ZMAT4: variants seen among roughly 807,000 people sequenced by gnomAD.
ZMAT4 encodes zinc finger matrin-type protein 4.
ZMAT4 carries 17 observed loss-of-function variants against 28.7 expected under a neutral mutation model. The ratio of observed to expected loss-of-function variants is 0.59; its 90% CI spans 0.41 to 0.89. ZMAT4 has a LOEUF of 0.89. ZMAT4 is among the 40% of genes least tolerant of loss of function. ZMAT4 has a pLI of 0.00. For missense variants in ZMAT4, 240 were observed against 283.8 expected (o/e 0.85, Z 1.11); for synonymous variants, 117 against 109.2 (o/e 1.07, Z -0.44).
chr8:40,808,680 G>A, intron 2 of ZMAT4: 4 of 328,676 alleles, frequency 1.2e-5, no homozygotes, highest in South Asian at 4.9e-5. Flanking sequence ...TAACAAGAAA[G>A]AGAGGGAAAG....
At chr8:40,832,100 G>A (rs1033865673) in intron 1 of ZMAT4, among the ~76,000 whole-genome samples, 6 of 152,070 alleles carry the variant, frequency 3.9e-5, no homozygotes, top group Non-Finnish European at 7.4e-5. Context: ...CCCCTACTCT[G>A]GGCCTCTGTC....
intron 5 of ZMAT4, among the ~76,000 whole-genome samples, chr8:40,673,965 G>A (rs1808796633): frequency 1.3e-5 from 2 of 152,048 alleles, no homozygotes; most frequent in South Asian, 4.1e-4. Flanking sequence ...TTTATTGAAG[G>A]GGCTTGGGCT....
At chr8:40,756,825 G>T (rs1219149897) in intron 3 of ZMAT4, among the ~76,000 whole-genome samples, 2 of 151,796 alleles carry the variant, frequency 1.3e-5, no homozygotes, top group Non-Finnish European at 2.9e-5. Flanking sequence ...CTCATTTTAC[G>T]TACGTTTCTG....
intron 1 of ZMAT4, among the ~76,000 whole-genome samples, chr8:40,835,406 C>T (rs1443787179): frequency 2.0e-5 from 3 of 152,202 alleles, no homozygotes; most frequent in Non-Finnish European, 4.4e-5. Flanking sequence ...CCTCCCCTCA[C>T]TCAACGGAGA....
At chr8:40,869,741 A>G (rs1817788735) in intron 1 of ZMAT4, among the ~76,000 whole-genome samples, 1 of 152,204 alleles carries the variant, frequency 6.6e-6, no homozygotes, top group African/African-American at 2.4e-5. Flanking sequence ...CTCAAAAAGC[A>G]GCTATTCCTG....
chr8:40,547,437 C>T (rs148896555), intron 6 of ZMAT4, among the ~76,000 whole-genome samples: 5 of 152,326 alleles, frequency 3.3e-5, no homozygotes, highest in Non-Finnish European at 7.3e-5. Context: ...AAGGAAGCCA[C>T]AGCATGAAGG....
At chr8:40,795,828 C>T (rs909137338) in intron 2 of ZMAT4, among the ~76,000 whole-genome samples, 1 of 152,234 alleles carries the variant, frequency 6.6e-6, no homozygotes, top group South Asian at 2.1e-4. Context: ...ACTACCACCA[C>T]AAGCATCATA....
In ZMAT4 at chr8:40,876,295, G is replaced by A. The variant is rs369692583; in HGVS notation, c.-5+21388C>T. Among the ~76,000 whole-genome samples the A allele has an allele frequency of 2.5e-4, 38 of 152,174 alleles. 1 individual carries two copies. The highest frequency in any genetic ancestry group is 8.4e-4 in the African/African-American group (35 of 41,506). ...ACTTAATGAATAGTAAATATAAATAGTATATACATTTTCTTTTTCTTATGA... is the reference window on the plus strand; with the variant it reads ...ACTTAATGAATAGTAAATATAAATAATATATACATTTTCTTTTTCTTATGA... On this transcript the variant is annotated intron_variant, in intron 1 of 6. Transcript: ENST00000297737.
At chr8:40,789,449 T>C (rs1814233295) in intron 2 of ZMAT4, among the ~76,000 whole-genome samples, 1 of 152,100 alleles carries the variant, frequency 6.6e-6, no homozygotes, top group Admixed American at 6.6e-5. Flanking sequence ...AGACTGAATA[T>C]GCAAATGGAC....
intron 2 of ZMAT4, among the ~76,000 whole-genome samples, chr8:40,783,342 A>G (rs1390621352): frequency 6.6e-6 from 1 of 152,232 alleles, no homozygotes; most frequent in Non-Finnish European, 1.5e-5. Context: ...AAAAATATCC[A>G]GAATAAGCAA....
At chr8:40,549,358 C>G (rs1255977381) in intron 6 of ZMAT4, among the ~76,000 whole-genome samples, 2 of 152,158 alleles carry the variant, frequency 1.3e-5, no homozygotes, top group Non-Finnish European at 2.9e-5. Context: ...GTGCTAAAAA[C>G]AGCTCCTGAG....
intron 3 of ZMAT4, among the ~76,000 whole-genome samples, chr8:40,763,069 T>G (rs1813003780): frequency 6.6e-6 from 1 of 152,312 alleles, no homozygotes; most frequent in Non-Finnish European, 1.5e-5. Flanking sequence ...CCAGGAAAAC[T>G]TATCTAGCCC....
Position 40,697,237 on chromosome 8 carries a change from G to A in ZMAT4, c.349+8C>T. 1 of 1,599,918 alleles carries A rather than the reference G, an allele frequency of 6.3e-7. No individual in the cohort carries two copies. ...GGGTCTCCCCACGATCACTGTTCCT[G>A]CACGTACCTGTGGTCTTTAATGGGG... On this transcript the variant is annotated splice_region_variant and intron_variant, in intron 4 of 6. Coordinates refer to ENST00000297737, the MANE Select transcript of ZMAT4 (RefSeq NM_024645.3).
intron 2 of ZMAT4, among the ~76,000 whole-genome samples, chr8:40,786,336 G>A (rs1407480673): frequency 2.6e-5 from 4 of 151,946 alleles, no homozygotes; most frequent in African/African-American, 7.3e-5. Flanking sequence ...TTTTTTACTA[G>A]ATTAAACCAA....
chr8:40,672,529 C>T (rs1014424053), intron 5 of ZMAT4, among the ~76,000 whole-genome samples: 5 of 152,104 alleles, frequency 3.3e-5, no homozygotes, highest in Admixed American at 6.6e-5. Context: ...GTCAAAGCAG[C>T]CTTTTTGTCT....
At chr8:40,548,170 C>T (rs576403647) in intron 6 of ZMAT4, among the ~76,000 whole-genome samples, 3 of 152,124 alleles carry the variant, frequency 2.0e-5, no homozygotes, top group Non-Finnish European at 4.4e-5. Flanking sequence ...GTAGGAAGGA[C>T]CCTTCAGGCC....
At chr8:40,707,920 T>C (rs779431646) in intron 3 of ZMAT4, among the ~76,000 whole-genome samples, 2 of 152,162 alleles carry the variant, frequency 1.3e-5, no homozygotes, top group Admixed American at 6.5e-5. Context: ...TGATGAAAAC[T>C]ACGTACATAC....
intron 2 of ZMAT4, among the ~76,000 whole-genome samples, chr8:40,789,046 A>AGAAGGGAAGG (rs1359299212): frequency 8.6e-6 from 1 of 116,012 alleles, no homozygotes; most frequent in Non-Finnish European, 1.7e-5. Flanking sequence ...GGAAGGAAGG[A>AGAAGGGAAGG]GAAGGGAAGG....
intron 3 of ZMAT4, among the ~76,000 whole-genome samples, chr8:40,725,552 A>G (rs183461136): frequency 6.6e-6 from 1 of 152,330 alleles, no homozygotes; most frequent in Admixed American, 6.5e-5. Context: ...TCTAAGATGC[A>G]TGTGCTTTGC....
Sources: allele counts gnomAD v4.1 joint callset (sites outside exome capture counted in the v4.1 genomes callset), GRCh38; gene constraint gnomAD v4.1.1; transcripts MANE v1.5; gene names NCBI Gene and HGNC (gene_info 2026-07-23, HGNC 2026-07-21).